Variants in STS observed in about 807,000 individuals in gnomAD.
STS encodes the protein steroid sulfatase.
A neutral mutation model predicts 26.8 loss-of-function variants in STS; 7 were observed. That is an observed-to-expected ratio of 0.26 (90% CI 0.15 to 0.49). The LOEUF is 0.49. Ranked by LOEUF, STS falls within the 20% of genes least tolerant of loss-of-function variation. STS has a pLI of 0.98. For missense variants in STS, 434 were observed against 465.6 expected (o/e 0.93, Z 0.63); for synonymous variants, 199 against 189.4 (o/e 1.05, Z -0.42).
intron 2 of STS, among the ~76,000 whole-genome samples, chrX:7,197,219 C>G (rs1310002393): frequency 2.7e-5 from 3 of 111,828 alleles, no homozygotes; most frequent in Non-Finnish European, 5.6e-5. Context: ...CAGTTTCATA[C>G]TATTTCTTGT....
chrX:7,301,705 C>T (rs1340737043), intron 7 of STS, among the ~76,000 whole-genome samples: 2 of 111,232 alleles, frequency 1.8e-5, no homozygotes, highest in Non-Finnish European at 3.8e-5. Flanking sequence ...CTCTGTGTTC[C>T]GCCTCCTCAT....
intron 7 of STS, among the ~76,000 whole-genome samples, chrX:7,279,026 A>G (rs1197691927): frequency 9.0e-6 from 1 of 110,778 alleles, no homozygotes. Context: ...GGCTTGGGCC[A>G]GGCATGGGGG....
chrX:7,323,066 A>G (rs148588793), intron 8 of STS, among the ~76,000 whole-genome samples: 1 of 111,707 alleles, frequency 9.0e-6, no homozygotes, highest in South Asian at 3.7e-4. Flanking sequence ...TGAGCTTGGC[A>G]GTTGGGATAA....
At position 7,263,420 on chromosome X, in the gene STS, A is replaced by C. The variant is rs1417503333; in HGVS notation, c.806+3648A>C. Among the ~76,000 whole-genome samples, 3 of 112,756 alleles carry C rather than the reference A, an allele frequency of 2.7e-5. No individual in the cohort carries two copies. In the South Asian group the frequency reaches 1.1e-3, roughly 41 times the overall value. ...TTTCCTGTACCTTTTCTATGTGTAC[A>C]TATGTCTAGATAAATACTTGCCATT... On this transcript the variant is annotated intron_variant, in intron 6 of 10. Coordinates refer to ENST00000674429, the MANE Select transcript of STS (RefSeq NM_001320752.2).
intron 8 of STS, among the ~76,000 whole-genome samples, chrX:7,315,519 A>G (rs1926674394): frequency 1.8e-5 from 2 of 111,437 alleles, no homozygotes; most frequent in Admixed American, 1.9e-4. Flanking sequence ...CACAATCACA[A>G]GGTGAAGTCC....
chrX:7,220,285 C>T (rs1320312993), intron 2 of STS, among the ~76,000 whole-genome samples: 2 of 111,291 alleles, frequency 1.8e-5, no homozygotes, highest in African/African-American at 6.5e-5. Context: ...ATATCCCCGA[C>T]AGATGCGGCT....
At chrX:7,284,962 T>G (rs1925056371) in intron 7 of STS, among the ~76,000 whole-genome samples, 1 of 110,904 alleles carries the variant, frequency 9.0e-6, no homozygotes, top group Admixed American at 9.6e-5. Context: ...ATGGTGATGA[T>G]GATGATGATG....
At chrX:7,187,669 T>C (rs752832719) in intron 1 of STS, among the ~76,000 whole-genome samples, 4 of 112,000 alleles carry the variant, frequency 3.6e-5, no homozygotes, top group Non-Finnish European at 5.6e-5. Context: ...CACAACAAAG[T>C]AACACAATAC....
chrX:7,316,900 G>A, intron 8 of STS, among the ~76,000 whole-genome samples: 1 of 111,708 alleles, frequency 9.0e-6, no homozygotes, highest in Non-Finnish European at 1.9e-5. Flanking sequence ...CAGATGGGAA[G>A]ATTTGAGGAG....
intron 3 of STS, among the ~76,000 whole-genome samples, chrX:7,253,603 G>A (rs1195762078): frequency 8.9e-6 from 1 of 111,969 alleles, no homozygotes; most frequent in Non-Finnish European, 1.9e-5. Flanking sequence ...TAATGGCTAC[G>A]ATGCTGCTTT....
intron 1 of STS, among the ~76,000 whole-genome samples, chrX:7,178,898 T>C (rs765117953): frequency 3.7e-5 from 4 of 108,260 alleles, no homozygotes; most frequent in Non-Finnish European, 7.6e-5. Context: ...TGGCTTTCTC[T>C]AGTCCTTCTC....
chrX:7,315,770 T>C (rs1926685916), intron 8 of STS, among the ~76,000 whole-genome samples: 1 of 111,262 alleles, frequency 9.0e-6, no homozygotes, highest in African/African-American at 3.3e-5. Flanking sequence ...GCCAGTCTAG[T>C]CCTTCCACGT....
At chrX:7,225,184 G>A (rs1427409663) in intron 2 of STS, among the ~76,000 whole-genome samples, 3 of 111,613 alleles carry the variant, frequency 2.7e-5, no homozygotes, top group Non-Finnish European at 5.6e-5. Context: ...TTGGCTCACT[G>A]GACTGAATGT....
chrX:7,315,640 G>A (rs1352754819), intron 8 of STS, among the ~76,000 whole-genome samples: 2 of 111,516 alleles, frequency 1.8e-5, no homozygotes, highest in Non-Finnish European at 3.8e-5. Context: ...TCGAAGGTCC[G>A]AGAGCCCCTG....
intron 2 of STS, among the ~76,000 whole-genome samples, chrX:7,215,073 G>A (rs942915354): frequency 1.1e-4 from 9 of 79,665 alleles, no homozygotes; most frequent in Admixed American, 6.3e-4. Flanking sequence ...ATATATACAC[G>A]TATATATGTA....
At chrX:7,214,387 C>G (rs1262684294) in intron 2 of STS, among the ~76,000 whole-genome samples, 1 of 111,897 alleles carries the variant, frequency 8.9e-6, no homozygotes, top group African/African-American at 3.2e-5. Context: ...TGATTAATCA[C>G]AGTTGAAACT....
At chrX:7,316,882 T>C (rs1372296468) in intron 8 of STS, among the ~76,000 whole-genome samples, 1 of 111,822 alleles carries the variant, frequency 8.9e-6, no homozygotes, top group Non-Finnish European at 1.9e-5. Flanking sequence ...AGAGAATTAG[T>C]GTTATCTCAG....
chrX:7,168,263 A>G (rs1388793789), intron 1 of STS, among the ~76,000 whole-genome samples: 2 of 111,147 alleles, frequency 1.8e-5, no homozygotes, highest in Non-Finnish European at 3.8e-5. Flanking sequence ...TAATGTAGGG[A>G]AAAATGTGTT....
intron 7 of STS, among the ~76,000 whole-genome samples, chrX:7,291,455 G>A (rs755847300): frequency 4.5e-5 from 5 of 112,138 alleles, no homozygotes; most frequent in Non-Finnish European, 7.5e-5. Flanking sequence ...ATATACTTTC[G>A]TATATTACTC....
Sources: allele counts gnomAD v4.1 joint callset (sites outside exome capture counted in the v4.1 genomes callset), GRCh38; gene constraint gnomAD v4.1.1; transcripts MANE v1.5; gene names NCBI Gene and HGNC (gene_info 2026-07-23, HGNC 2026-07-21).